The following RORA variants were observed in gnomAD, a reference collection of about 807,000 sequenced individuals.
The protein encoded by RORA is nuclear receptor ROR-alpha.
A neutral mutation model predicts 69.5 loss-of-function variants in RORA; 7 were observed. The ratio of observed to expected loss-of-function variants is 0.10; its 90% CI spans 0.06 to 0.19. The LOEUF is 0.19. Ranked by LOEUF, RORA falls within the 10% of genes least tolerant of loss-of-function variation. The pLI is 1.00. For missense variants in RORA, 457 were observed against 663.0 expected (o/e 0.69, Z 3.41); for synonymous variants, 261 against 240.8 (o/e 1.08, Z -0.78).
chr15:61,045,406 G>C (rs914384197), intron 1 of RORA, among the ~76,000 whole-genome samples: 11 of 152,160 alleles, frequency 7.2e-5, no homozygotes, highest in African/African-American at 2.2e-4. Flanking sequence ...GGAATACCTG[G>C]GTTATAAACA....
At chr15:60,579,112 A>T (rs971663059) in intron 2 of RORA, among the ~76,000 whole-genome samples, 2 of 149,424 alleles carry the variant, frequency 1.3e-5, no homozygotes, top group Non-Finnish European at 3.0e-5. Context: ...GTAATGAAGA[A>T]TACCATGACT....
intron 2 of RORA, among the ~76,000 whole-genome samples, chr15:60,542,994 C>G (rs1306995874): frequency 6.6e-6 from 1 of 150,672 alleles, no homozygotes; most frequent in African/African-American, 2.5e-5. Flanking sequence ...CCTCACCCCC[C>G]ACCCCCAACA....
rs947277821 is a variant in RORA at position 61,213,905 on chromosome 15, G to A, written c.166+15148C>T. On this transcript the variant is annotated intron_variant, in intron 1 of 10. Coordinates refer to ENST00000335670, the MANE Select transcript of RORA (RefSeq NM_134261.3). The surrounding 1 kb of genome is among the most constrained non-coding windows in gnomAD (Gnocchi z 4.1). Reference sequence around the variant, plus strand: ...CTGCCCTTAAACATTTGAAACTTTCGAGGAATAGATTTTCTTGCTTCATCC... The same window carrying A: ...CTGCCCTTAAACATTTGAAACTTTCAAGGAATAGATTTTCTTGCTTCATCC... 15 of 152,092 alleles carry A rather than the reference G, an allele frequency of 9.9e-5. No homozygotes were observed. Among genetic ancestry groups the A allele is most frequent in the African/African-American group, 2.4e-4 (10 of 41,396 alleles). The allele number at this position is 152,092 out of a possible 1,614,324, so 9.4% of individuals were successfully genotyped here.
intron 1 of RORA, among the ~76,000 whole-genome samples, chr15:60,714,747 C>G (rs1224086124): frequency 2.6e-5 from 4 of 152,180 alleles, no homozygotes; most frequent in African/African-American, 9.7e-5. Context: ...AAAATGGGCT[C>G]TGCCTTTTCA....
In RORA at chr15:60,595,696, AAAAGT is replaced by A. The variant is rs1321058150; in HGVS notation, c.197-63850_197-63846del. Among the ~76,000 whole-genome samples the A allele has an allele frequency of 5.2e-3, 785 of 151,134 alleles. 8 individuals carry two copies. Among genetic ancestry groups the A allele is most frequent in the African/African-American group, 0.019 (752 of 40,438 alleles). On this transcript the variant is annotated intron_variant, in intron 2 of 10. Transcript: ENST00000335670. ...TTACCAAGTGTTCTGAAAAAAAAAA[AAAAGT>A]AAAGTAATATTGCTTACATGAAGAT...
At chr15:60,852,110 T>C (rs1229149358) in intron 1 of RORA, among the ~76,000 whole-genome samples, 1 of 152,200 alleles carries the variant, frequency 6.6e-6, no homozygotes, top group Non-Finnish European at 1.5e-5. Context: ...ACACCAGCGC[T>C]TGAACCTCAG....
intron 1 of RORA, among the ~76,000 whole-genome samples, chr15:61,123,678 G>A (rs961210849): frequency 2.6e-5 from 4 of 152,162 alleles, no homozygotes; most frequent in African/African-American, 7.2e-5. Flanking sequence ...TGGGCACTGG[G>A]ATTTTTTAAC....
chr15:60,532,907 A>G (rs1027548839), intron 2 of RORA, among the ~76,000 whole-genome samples: 1 of 152,140 alleles, frequency 6.6e-6, no homozygotes, highest in East Asian at 1.9e-4. Flanking sequence ...GCCCAAGTCT[A>G]TTTCATTTCT....
chr15:60,526,358 G>A (rs2066355589), intron 3 of RORA, among the ~76,000 whole-genome samples: 1 of 152,196 alleles, frequency 6.6e-6, no homozygotes, highest in African/African-American at 2.4e-5. Context: ...TCCCAAGCAC[G>A]CACGAGGGAC....
At chr15:60,995,040 C>T (rs1037156728) in intron 1 of RORA, among the ~76,000 whole-genome samples, 2 of 151,580 alleles carry the variant, frequency 1.3e-5, no homozygotes, top group Admixed American at 6.6e-5. Context: ...CAATGGCTCT[C>T]GCCGCATAAA....
chr15:60,875,004 GAAC>G (rs2073598001), intron 1 of RORA, among the ~76,000 whole-genome samples: 1 of 152,168 alleles, frequency 6.6e-6, no homozygotes, highest in African/African-American at 2.4e-5. Flanking sequence ...CTATTCATCA[GAAC>G]AACAACATCA....
intron 1 of RORA, among the ~76,000 whole-genome samples, chr15:60,968,647 G>C (rs189880004): frequency 2.0e-3 from 296 of 151,166 alleles, no homozygotes; most frequent in Non-Finnish European, 3.5e-3. Flanking sequence ...TTACAGAAAG[G>C]TTGCAAGCAC....
intron 1 of RORA, among the ~76,000 whole-genome samples, chr15:60,990,221 G>C (rs1054380057): frequency 1.8e-4 from 27 of 152,182 alleles, no homozygotes; most frequent in African/African-American, 6.5e-4. Flanking sequence ...GGCTTAATGA[G>C]ATAATAAATG....
At chr15:60,542,478 AGGCGCACC>A (rs1567072981) in intron 2 of RORA, among the ~76,000 whole-genome samples, 54 of 147,262 alleles carry the variant, frequency 3.7e-4, no homozygotes, top group African/African-American at 1.2e-3. Context: ...CACGGCACAC[AGGCGCACC>A]TCACACGGCA....
chr15:61,185,267 A>G (rs1404393406), intron 1 of RORA, among the ~76,000 whole-genome samples: 1 of 152,012 alleles, frequency 6.6e-6, no homozygotes, highest in Non-Finnish European at 1.5e-5. Context: ...GAGCCTCTGC[A>G]GCAAACTAAA....
chr15:60,496,505 T>C lies in RORA; in HGVS notation c.*950A>G, dbSNP rs1208777181. On this transcript the variant is annotated 3_prime_UTR_variant, in exon 11 of 11. Coordinates refer to ENST00000335670, the MANE Select transcript of RORA (RefSeq NM_134261.3). This position sits in a 1 kb window ranked among gnomAD's most constrained non-coding sequence, Gnocchi z 4.5. ...ATATGTCCACCACGCCAATCAATCA[T>C]TCAACTTTGTATGAAGCATAAACAC... 6.6e-6 allele frequency: 1 copy of C among 152,160 alleles called. No individual in the cohort carries two copies. Among genetic ancestry groups the C allele is most frequent in the African/African-American group, 2.4e-5 (1 of 41,432 alleles). The allele number at this position is 152,160 out of a possible 1,614,324, so 9.4% of individuals were successfully genotyped here.
At chr15:61,079,834 G>A (rs958887745) in intron 1 of RORA, among the ~76,000 whole-genome samples, 4 of 152,182 alleles carry the variant, frequency 2.6e-5, no homozygotes, top group East Asian at 1.9e-4. Flanking sequence ...TGAAGAGCTC[G>A]TGTTTTGAAT....
chr15:60,508,867 C>T (rs16942660), intron 5 of RORA, among the ~76,000 whole-genome samples: 5,972 of 152,174 alleles, frequency 0.039, 423 homozygotes, highest in African/African-American at 0.14. Flanking sequence ...AAACCTAGGT[C>T]GTTTATCTGG....
intron 1 of RORA, among the ~76,000 whole-genome samples, chr15:60,683,641 TACACATACACACACAC>T (rs1232346293): frequency 2.1e-5 from 1 of 47,858 alleles, no homozygotes; most frequent in Non-Finnish European, 3.7e-5. Context: ...TTTACCCAGA[TACACATACACACACAC>T]ACACACACAC....
Sources: gnomAD v4.1 joint callset for allele counts (sites outside exome capture counted in the v4.1 genomes callset) on GRCh38, gnomAD v4.1.1 for gene constraint, Gnocchi (gnomAD v3.1) non-coding constraint, MANE v1.5 for transcripts, NCBI Gene and HGNC (gene_info 2026-07-23, HGNC 2026-07-21) for gene names.